ATRX: variants seen among roughly 807,000 people sequenced by gnomAD.
The protein encoded by ATRX is chromatin remodeler ATRX.
ATRX carries 12 observed loss-of-function variants against 172.6 expected under a neutral mutation model. That is an observed-to-expected ratio of 0.07 (90% CI 0.04 to 0.11). ATRX has a LOEUF of 0.11. Among genes scored for constraint, ATRX ranks in the 10% least tolerant of loss-of-function variants. ATRX has a pLI of 1.00. For synonymous variants in ATRX, 674 were observed against 594.7 expected (o/e 1.13, Z -1.94); for missense variants, 1,368 against 1,767.4 (o/e 0.77, Z 4.05).
At chrX:77,714,396 G>A (rs1557163490) in intron 2 of ATRX, among the ~76,000 whole-genome samples, 1 of 111,684 alleles carries the variant, frequency 9.0e-6, no homozygotes, top group African/African-American at 3.3e-5. Flanking sequence ...GTTTTAAGCT[G>A]CAAACTTTGT....
At chrX:77,747,789 A>G (rs1025940972) in intron 1 of ATRX, among the ~76,000 whole-genome samples, 3 of 111,556 alleles carry the variant, frequency 2.7e-5, no homozygotes, top group Non-Finnish European at 5.6e-5. Flanking sequence ...ATTTCTGACT[A>G]TATCTAATCT....
intron 30 of ATRX, among the ~76,000 whole-genome samples, chrX:77,546,594 G>A (rs1557053513): frequency 9.1e-6 from 1 of 110,212 alleles, no homozygotes; most frequent in African/African-American, 3.3e-5. Context: ...TAGGTTCAAG[G>A]GATCCTCCCA....
chrX:77,646,988 C>T (rs951062613), intron 15 of ATRX, among the ~76,000 whole-genome samples: 16 of 107,992 alleles, frequency 1.5e-4, no homozygotes, highest in Non-Finnish European at 5.7e-5. Context: ...CAATGGTAGA[C>T]TATACATTTT....
chrX:77,740,557 C>A (rs1348792735), intron 1 of ATRX, among the ~76,000 whole-genome samples: 1 of 110,536 alleles, frequency 9.0e-6, no homozygotes, highest in African/African-American at 3.3e-5. Flanking sequence ...AGAAAACCCC[C>A]GAGGCTTATA....
chrX:77,712,129 C>A (rs558291505), intron 2 of ATRX, among the ~76,000 whole-genome samples: 3 of 112,000 alleles, frequency 2.7e-5, no homozygotes, highest in African/African-American at 9.7e-5. Flanking sequence ...TCCAATAAGA[C>A]TGTAGATTTT....
chrX:77,531,925 T>G (rs1167286112), intron 30 of ATRX, among the ~76,000 whole-genome samples: 4 of 111,971 alleles, frequency 3.6e-5, no homozygotes, highest in Admixed American at 9.5e-5. Flanking sequence ...ATAAGAAACT[T>G]CAGCAAATTC....
chrX:77,724,973 T>A (rs868929832), intron 1 of ATRX, among the ~76,000 whole-genome samples: 24 of 112,018 alleles, frequency 2.1e-4, no homozygotes, highest in African/African-American at 6.8e-4. Context: ...TGAAAAATAT[T>A]TTCTTAAGGC....
At chrX:77,619,093 A>G in intron 20 of ATRX, 112 bp from the exon 21 acceptor site, 2 of 524,981 alleles carry the variant, frequency 3.8e-6, no homozygotes, top group Non-Finnish European at 6.3e-6. Context: ...ATTAAGCTAT[A>G]AAGAAAGAAT....
chrX:77,741,495 G>A (rs979204640), intron 1 of ATRX, among the ~76,000 whole-genome samples: 5 of 110,126 alleles, frequency 4.5e-5, no homozygotes, highest in South Asian at 3.9e-4. Context: ...GGAGTCTTGC[G>A]CTCTCGCCCA....
intron 34 of ATRX, among the ~76,000 whole-genome samples, chrX:77,512,915 T>C (rs782707728): frequency 9.2e-6 from 1 of 109,085 alleles, no homozygotes; most frequent in East Asian, 2.9e-4. Flanking sequence ...CCACAGAAAA[T>C]TGCTTTAACT....
chrX:77,574,229 T>C lies in ATRX; in HGVS notation c.6326+21A>G. 7 of 995,709 alleles carry C rather than the reference T, an allele frequency of 7.0e-6. No homozygotes were observed. The Middle Eastern group carries it at 1.5e-3, about 219-fold the overall frequency. 82.1% of individuals were successfully genotyped at this position (995,709 alleles called of 1,213,427 possible). A position where few individuals can be genotyped will look rare whatever the true frequency, so the allele number is the denominator to read the frequency against. ...AATTAATTATTTTAATGTTTCTACA[T>C]ATACAGAAAATTTTTCCTACCTCAC... On this transcript the variant is annotated intron_variant, in intron 28 of 34. Transcript: ENST00000373344.
chrX:77,753,091 T>A (rs987709981), intron 1 of ATRX, among the ~76,000 whole-genome samples: 1 of 111,663 alleles, frequency 9.0e-6, no homozygotes, highest in Non-Finnish European at 1.9e-5. Context: ...TGAATCCATC[T>A]GCTCCTGGGC....
intron 15 of ATRX, among the ~76,000 whole-genome samples, chrX:77,650,411 C>G (rs2148426471): frequency 9.0e-6 from 1 of 111,433 alleles, no homozygotes; most frequent in African/African-American, 3.3e-5. Context: ...TAACAAAACT[C>G]AGAATATAGA....
intron 28 of ATRX, among the ~76,000 whole-genome samples, chrX:77,569,136 A>AC (rs1229025250): frequency 3.7e-5 from 4 of 108,638 alleles, no homozygotes; most frequent in East Asian, 2.9e-4. Flanking sequence ...AACAAAAACA[A>AC]CCCCCCCACC....
intron 14 of ATRX, 29 bp from the exon 15 acceptor site, chrX:77,652,382 C>G (rs368781438): frequency 8.5e-7 from 1 of 1,180,976 alleles, no homozygotes; most frequent in East Asian, 3.0e-5. Context: ...TAGAGGTAAA[C>G]AGTACAAAGT....
chrX:77,636,088 T>A (rs1557107952), intron 15 of ATRX, 32 bp from the exon 16 acceptor site: 1 of 1,199,287 alleles, frequency 8.3e-7, no homozygotes, highest in South Asian at 1.8e-5. Flanking sequence ...ATAGTTAAGC[T>A]CAAAGAAATC....
intron 27 of ATRX, among the ~76,000 whole-genome samples, chrX:77,587,776 G>A (rs1055577159): frequency 2.1e-4 from 24 of 112,384 alleles, no homozygotes; most frequent in African/African-American, 7.1e-4. Flanking sequence ...TAACAAAAGT[G>A]TAAAATGTAT....
At chrX:77,604,399 C>G (rs2066816079) in intron 22 of ATRX, among the ~76,000 whole-genome samples, 1 of 112,213 alleles carries the variant, frequency 8.9e-6, no homozygotes, top group Admixed American at 9.5e-5. Context: ...TGAAAAAATT[C>G]TCAACATCAC....
Position 77,609,765 on chromosome X carries a change from C to A in ATRX, c.5566+6848G>T, listed in dbSNP as rs781843136. 7.1e-5 allele frequency among the ~76,000 whole-genome samples: 8 copies of A among 112,024 alleles called. No individual in the cohort carries two copies. In the South Asian group the frequency reaches 3.0e-3, roughly 42 times the overall value. On this transcript the variant is annotated intron_variant, in intron 22 of 34. Transcript: ENST00000373344. ...GTGCTGGGATTACAGGCATGAGCCA[C>A]CATACCCGTCCAGGAGCTAAAATTT...
Sources: gnomAD v4.1 joint callset for allele counts (sites outside exome capture counted in the v4.1 genomes callset) on GRCh38, gnomAD v4.1.1 for gene constraint, MANE v1.5 for transcripts, NCBI Gene and HGNC (gene_info 2026-07-23, HGNC 2026-07-21) for gene names.